PLXNB3: variants seen among roughly 807,000 people sequenced by gnomAD.
PLXNB3 encodes plexin B3.
A neutral mutation model predicts 125.7 loss-of-function variants in PLXNB3; 80 were observed. The observed-to-expected ratio is 0.64, with a 90% CI of 0.53 to 0.77. The LOEUF is 0.77. PLXNB3 is among the 30% of genes least tolerant of loss of function. The pLI, the probability that PLXNB3 is intolerant of heterozygous loss-of-function variation, is 0.00. For missense variants in PLXNB3, 1,836 were observed against 1,729.3 expected (o/e 1.06, Z -1.09); for synonymous variants, 954 against 783.3 (o/e 1.22, Z -3.64).
At chrX:153,777,923 G>A (rs1322506321) in intron 31 of PLXNB3, 25 bp from the exon 32 acceptor site, 10 of 1,190,451 alleles carry the variant, frequency 8.4e-6, no homozygotes, top group Admixed American at 2.2e-5. Context: ...AGGGCCTCAC[G>A]CCCACGCCTG....
chrX:153,768,341 C>A lies in PLXNB3; in HGVS notation c.1179C>A (p.Leu393=), dbSNP rs147527982. The A allele has an allele frequency of 5.8e-6, 7 of 1,209,682 alleles. No individual in the cohort carries two copies. In the African/African-American group the frequency reaches 1.2e-4, roughly 21 times the overall value. The change falls in exon 4 of 36, where the codon CTC becomes CTA. Residue 393 remains leucine, a synonymous_variant. Coordinates refer to ENST00000361971, the MANE Select transcript of PLXNB3 (RefSeq NM_005393.3). ...TGGAGGTCCAGCCTCTGCTGAAGCT[C>A]GGGCAGCCGGTCAGCGCCGTGGCAG... ...QPLEVQPLLK[L]GQPVSAVAAL... is the part of the protein sequence containing the mutation.
In PLXNB3 at chrX:153,776,188, G is replaced by A. The variant is rs1449877215; in HGVS notation, c.4703G>A (p.Arg1568Lys). 1.0e-5 allele frequency: 12 copies of A among 1,183,637 alleles called. No homozygotes were observed. The highest frequency in any genetic ancestry group is 1.4e-5 in the Non-Finnish European group (12 of 881,641). The change falls in exon 27 of 36, where the codon AGG becomes AAG. Residue 1568 changes from arginine to lysine, a missense_variant. By Grantham distance (26) the Arg-to-Lys change is conservative. Transcript: ENST00000361971. ...TACAAGGGCACCCCCTTCTCCCAGA[G>A]GCCCTCAGTGCATGCCCTAGACCTT... ...QVYKGTPFSQ[R>K]PSVHALDLEW...
In PLXNB3 at chrX:153,777,574, G is replaced by C. The variant is rs782483104; in HGVS notation, c.5147G>C (p.Ser1716Thr). ...FVDDTFQAIL[S>T]VNRPIPIAVK... ...GACGACACCTTCCAGGCCATTCTCAGCGTGAACCGGCCCATCCCCATCGCC... is the reference window on the plus strand; with the variant it reads ...GACGACACCTTCCAGGCCATTCTCACCGTGAACCGGCCCATCCCCATCGCC... Residue 1716 changes from serine (S) to threonine (T), a missense_variant, in exon 31 of 36, where the codon AGC becomes ACC. Ser to Thr is a moderately conservative substitution (Grantham distance 58). Coordinates refer to ENST00000361971, the MANE Select transcript of PLXNB3 (RefSeq NM_005393.3). 8 of 1,211,861 alleles carry C rather than the reference G, an allele frequency of 6.6e-6. No individual in the cohort carries two copies. The highest frequency in any genetic ancestry group is 8.9e-6 in the Non-Finnish European group (8 of 895,506).
chrX:153,769,804 C>A lies in PLXNB3; in HGVS notation c.1497-3C>A. 1 of 1,203,314 alleles carries A rather than the reference C, an allele frequency of 8.3e-7. No individual in the cohort carries two copies. The highest frequency in any genetic ancestry group is 1.1e-6 in the Non-Finnish European group (1 of 892,313). ...GGTGACCTGATGGACCCCTGCCTGG[C>A]AGGTGTACCCGGAAGGGCCAGTGCG... On this transcript the variant is annotated splice_region_variant and splice_polypyrimidine_tract_variant and intron_variant, in intron 6 of 35. Coordinates refer to ENST00000361971, the MANE Select transcript of PLXNB3 (RefSeq NM_005393.3).
In PLXNB3 at chrX:153,776,936, G is replaced by C; in HGVS notation, c.4883G>C (p.Ser1628Thr). ...CTCGTCCCTCAGCTGCACCGTGGCA[G>C]CACCATCTCCCAGAGCCTGGCCCAG... is the stretch of plus-strand genomic sequence containing the variant. ...VGLVPQLHRG[S>T]TISQSLAQRC... Residue 1628 changes from serine to threonine, a missense_variant, in exon 29 of 36, where the codon AGC (serine) becomes ACC (threonine). By Grantham distance (58) the Ser-to-Thr change is moderately conservative. Coordinates refer to ENST00000361971, the MANE Select transcript of PLXNB3 (RefSeq NM_005393.3). 8.3e-7 allele frequency: 1 copy of C among 1,200,348 alleles called. No individual in the cohort carries two copies.
intron 28 of PLXNB3, 51 bp from the exon 29 acceptor site, chrX:153,776,836 G>A: frequency 3.4e-6 from 3 of 876,322 alleles, no homozygotes; most frequent in Admixed American, 2.9e-5. Context: ...TGTGGGCGGT[G>A]TAGGCGCCTG....
rs782796672 is a variant in PLXNB3 at position 153,772,014 on chromosome X, C to G, written c.2668C>G (p.Arg890Gly). ...GCCCTCTCTCTACCGCACGTCGGCCCGGTGAGGCACTTGGAGGGTGAAGAT... is the reference window on the plus strand; with the variant it reads ...GCCCTCTCTCTACCGCACGTCGGCCGGGTGAGGCACTTGGAGGGTGAAGAT... ...PEPSLYRTSA[R>G]IVCVTSPAPN... The change falls in exon 15 of 36, where the codon CGG becomes GGG. Residue 890 changes from arginine to glycine, a missense_variant and splice_region_variant. Arg to Gly is a moderately radical substitution (Grantham distance 125). Transcript: ENST00000361971. 1.7e-6 allele frequency: 2 copies of G among 1,185,580 alleles called. No homozygotes were observed. The highest frequency in any genetic ancestry group is 2.3e-6 in the Non-Finnish European group (2 of 882,032).
chrX:153,776,782 G>GGCAA (rs2092000988), intron 28 of PLXNB3, 105 bp from the exon 29 acceptor site: 3 of 422,659 alleles, frequency 7.1e-6, no homozygotes, highest in African/African-American at 3.6e-5. Flanking sequence ...AGGCGAGGCA[G>GGCAA]GGCAGGGCGG....
intron 1 of PLXNB3, among the ~76,000 whole-genome samples, chrX:153,765,114 C>T (rs2091842600): frequency 8.8e-6 from 1 of 113,004 alleles, no homozygotes; most frequent in Admixed American, 9.2e-5. Flanking sequence ...GAGGGGCATG[C>T]TTAGTGACAC....
intron 32 of PLXNB3, 53 bp from the exon 33 acceptor site, chrX:153,778,208 G>A (rs1557065187): frequency 2.5e-6 from 3 of 1,195,997 alleles, no homozygotes; most frequent in Non-Finnish European, 3.4e-6. Flanking sequence ...AGCATCATGG[G>A]GGCACCTTCA....
intron 7 of PLXNB3, 47 bp from the exon 8 acceptor site, chrX:153,770,045 C>T (rs2091909464): frequency 2.5e-6 from 3 of 1,200,908 alleles, no homozygotes; most frequent in East Asian, 3.0e-5. Context: ...CCTCTGCTGC[C>T]CCCTCTCTCT....
intron 6 of PLXNB3, 79 bp from the exon 7 acceptor site, chrX:153,769,728 G>T: frequency 9.5e-7 from 1 of 1,047,214 alleles, no homozygotes. Flanking sequence ...CAGCTGGGCC[G>T]GCCTCCCCAG....
In PLXNB3 at chrX:153,767,523, C is replaced by T. The variant is rs2091871854; in HGVS notation, c.696C>T (p.Asn232=). 8.5e-7 allele frequency: 1 copy of T among 1,177,244 alleles called. No homozygotes were observed. The highest frequency in any genetic ancestry group is 2.4e-5 in the Admixed American group (1 of 41,884). ...LVVGDFSDYN[N]SYVGAFADAR... is the part of the protein sequence containing the mutation. ...TGGGCGACTTCTCCGACTACAACAACAGCTACGTCGGGGCCTTTGCCGACG... is the reference window on the plus strand; with the variant it reads ...TGGGCGACTTCTCCGACTACAACAATAGCTACGTCGGGGCCTTTGCCGACG... The change falls in exon 3 of 36, where the codon AAC becomes AAT. Residue 232 remains asparagine (N), a synonymous_variant. Coordinates refer to ENST00000361971, the MANE Select transcript of PLXNB3 (RefSeq NM_005393.3).
At position 153,775,680 on chromosome X, in the gene PLXNB3, C is replaced by G; in HGVS notation, c.4401+20C>G. 2 of 1,196,621 alleles carry G rather than the reference C, an allele frequency of 1.7e-6. No individual in the cohort carries two copies. The highest frequency in any genetic ancestry group is 2.3e-6 in the Non-Finnish European group (2 of 883,043). On this transcript the variant is annotated intron_variant, in intron 26 of 35. Coordinates refer to ENST00000361971, the MANE Select transcript of PLXNB3 (RefSeq NM_005393.3). ...CTGAGGGTGAGGGGCACTGTCCCGC[C>G]TGCTCCCAGCCCTGAGTGGCAGACT...
chrX:153,765,268 G>A (rs1013996973), intron 1 of PLXNB3, among the ~76,000 whole-genome samples: 3 of 113,134 alleles, frequency 2.7e-5, no homozygotes, highest in Admixed American at 1.8e-4. Context: ...CAGCACTAGC[G>A]AGTGGGGCCC....
At chrX:153,765,720 G>A (rs949300553) in intron 2 of PLXNB3, 140 bp downstream of exon 2, 9 of 1,134,776 alleles carry the variant, frequency 7.9e-6, no homozygotes, top group Non-Finnish European at 9.4e-6. Context: ...GGGGTCCGCA[G>A]GAAGTGTCCG....
rs1557061677 is a variant in PLXNB3, at chrX:153,771,058, C to G, written c.2230C>G (p.Leu744Val). 2 of 1,205,866 alleles carry G rather than the reference C, an allele frequency of 1.7e-6. No homozygotes were observed. The change falls in exon 12 of 36, where the codon CTC (leucine) becomes GTC (valine). Residue 744 changes from leucine to valine, a missense_variant. Physicochemically the swap from Leu to Val is conservative, Grantham distance 32. Transcript: ENST00000361971. ...GGAGGAGACAGCAGGGGATTCAGGC[C>G]TCATCCACTGCCAGGCCCACCAGGT... Reference protein sequence around the residue: ...TLEETAGDSGLIHCQAHQFYP... With the variant: ...TLEETAGDSGVIHCQAHQFYP...
chrX:153,772,806 G>A lies in PLXNB3; in HGVS notation c.2776-80G>A, dbSNP rs782209878. The A allele has an allele frequency of 6.3e-4, 659 of 1,041,241 alleles. 3 individuals are homozygous for A. The highest frequency in any genetic ancestry group is 2.1e-3 in the Middle Eastern group (8 of 3,817). The allele number at this position is 1,041,241 out of a possible 1,213,427, so 85.8% of individuals were successfully genotyped here. ...CAGAGATGACCTGCGCTTCAGAACC[G>A]GAGGGCCTTGGGCATGGCCCAGGGG... On this transcript the variant is annotated intron_variant, in intron 16 of 35. Coordinates refer to ENST00000361971, the MANE Select transcript of PLXNB3 (RefSeq NM_005393.3).
chrX:153,778,633 C>T lies in PLXNB3; in HGVS notation c.5584C>T (p.Leu1862=). Residue 1862 remains leucine, a synonymous_variant, in exon 35 of 36, where the codon CTG becomes TTG. Transcript: ENST00000361971. ...TTCTGCTCCCCACTGTCTGGAGGCT[C>T]TGCAAGAACTCTACAACCACATCCA... ...YTSAPHCLEA[L]QELYNHIHRY... The T allele has an allele frequency of 1.7e-6, 2 of 1,205,606 alleles. No individual in the cohort carries two copies. The highest frequency in any genetic ancestry group is 2.2e-6 in the Non-Finnish European group (2 of 891,898).
Sources: gnomAD v4.1 joint callset for allele counts (sites outside exome capture counted in the v4.1 genomes callset) on GRCh38, gnomAD v4.1.1 for gene constraint, MANE v1.5 for transcripts, NCBI Gene and HGNC (gene_info 2026-07-23, HGNC 2026-07-21) for gene names.